The following PAX3 variants were observed in gnomAD, a reference collection of about 807,000 sequenced individuals.
The protein encoded by PAX3 is paired box 3, also known as paired box protein Pax-3.
A neutral mutation model predicts 51.6 loss-of-function variants in PAX3; 14 were observed. The observed-to-expected ratio is 0.27, with a 90% CI of 0.18 to 0.42. The LOEUF is 0.42. Ranked by LOEUF, PAX3 falls within the 10% of genes least tolerant of loss-of-function variation. PAX3 has a pLI of 1.00. For missense variants in PAX3, 540 were observed against 642.8 expected (o/e 0.84, Z 1.73); for synonymous variants, 280 against 253.4 (o/e 1.11, Z -1.00).
chr2:222,239,905 T>C (rs1055823499), intron 4 of PAX3, among the ~76,000 whole-genome samples: 2 of 152,028 alleles, frequency 1.3e-5, no homozygotes, highest in African/African-American at 4.8e-5. Flanking sequence ...TAAATCTAAT[T>C]AAGACCCTCC....
At chr2:222,268,608 A>T (rs1694140260) in intron 4 of PAX3, among the ~76,000 whole-genome samples, 1 of 152,176 alleles carries the variant, frequency 6.6e-6, no homozygotes, top group African/African-American at 2.4e-5. Context: ...CTCACTCTGA[A>T]TCTCCTCGTT....
chr2:222,261,403 A>G (rs1693856221), intron 4 of PAX3, among the ~76,000 whole-genome samples: 1 of 152,214 alleles, frequency 6.6e-6, no homozygotes, highest in African/African-American at 2.4e-5. Context: ...CTAGGAAAAA[A>G]AATCTAAATA....
At chr2:222,276,822 T>A (rs1368294047) in intron 4 of PAX3, among the ~76,000 whole-genome samples, 1 of 152,086 alleles carries the variant, frequency 6.6e-6, no homozygotes, top group Non-Finnish European at 1.5e-5. Flanking sequence ...TTGTGAGGAG[T>A]CGGTCCAAGA....
chr2:222,276,534 T>C (rs776779362), intron 4 of PAX3, among the ~76,000 whole-genome samples: 21 of 152,198 alleles, frequency 1.4e-4, no homozygotes, highest in Non-Finnish European at 2.2e-4. Flanking sequence ...ACAAGTCTGC[T>C]GAGAGGTGGA....
At chr2:222,293,980 A>G (rs1695147471) in intron 4 of PAX3, 187 bp downstream of exon 4, 2 of 1,526,148 alleles carry the variant, frequency 1.3e-6, no homozygotes, top group African/African-American at 2.8e-5. Flanking sequence ...CAGAATAGAA[A>G]TGTTTGTTTT....
intron 5 of PAX3, among the ~76,000 whole-genome samples, chr2:222,227,942 GA>G (rs1004265724): frequency 1.3e-5 from 2 of 151,740 alleles, no homozygotes; most frequent in African/African-American, 4.8e-5. Flanking sequence ...TTCCTCAGGA[GA>G]AAAAAAATGA....
chr2:222,206,751 T>G (rs1313940335), intron 7 of PAX3, among the ~76,000 whole-genome samples: 1 of 152,178 alleles, frequency 6.6e-6, no homozygotes, highest in Non-Finnish European at 1.5e-5. Flanking sequence ...TGGGCCAAAT[T>G]AAGATTTACC....
intron 4 of PAX3, among the ~76,000 whole-genome samples, chr2:222,243,408 C>T: frequency 6.6e-6 from 1 of 152,196 alleles, no homozygotes; most frequent in Non-Finnish European, 1.5e-5. Flanking sequence ...TGAGATGTGG[C>T]TGATACTGTC....
At chr2:222,268,595 T>C (rs1694139494) in intron 4 of PAX3, among the ~76,000 whole-genome samples, 1 of 152,184 alleles carries the variant, frequency 6.6e-6, no homozygotes, top group Admixed American at 6.5e-5. Flanking sequence ...CTGAGTTTCC[T>C]ACCTCACTCT....
At chr2:222,232,566 C>T (rs1192123999) in intron 4 of PAX3, among the ~76,000 whole-genome samples, 3 of 152,126 alleles carry the variant, frequency 2.0e-5, no homozygotes, top group East Asian at 3.9e-4. Context: ...TATCTTTCTG[C>T]CCCCTAGGCA....
At chr2:222,281,498 C>T (rs1158470432) in intron 4 of PAX3, among the ~76,000 whole-genome samples, 2 of 152,248 alleles carry the variant, frequency 1.3e-5, no homozygotes, top group African/African-American at 4.8e-5. Flanking sequence ...CCTGCCACTT[C>T]CCTTCACCTG....
In PAX3 at chr2:222,298,599, C is replaced by T. The variant is rs909763037; in HGVS notation, c.17G>A (p.Gly6Asp). Residue 6 changes from glycine (G) to aspartate (D), a missense_variant, in exon 1 of 9, where the codon GGC becomes GAC. Gly to Asp is a moderately conservative substitution (Grantham distance 94). Around this residue, in one of 3 missense-constraint regions of PAX3, gnomAD observed 63 missense variants for 49.9 expected, o/e 1.26. Transcript: ENST00000392070. MTTLA[G>D]AVPRMMRPGP... is the part of the protein sequence containing the mutation. The stretch of plus-strand genomic sequence containing the variant: ...CGGCCGCATCATCCTGGGCACAGCG[C>T]CGGCCAGCGTGGTCATCCTGGGGGC... The T allele has an allele frequency of 1.9e-6, 3 of 1,607,080 alleles. No individual in the cohort carries two copies. The highest frequency in any genetic ancestry group is 1.7e-4 in the Middle Eastern group (1 of 6,056).
At chr2:222,225,147 C>G (rs1479606717) in intron 5 of PAX3, among the ~76,000 whole-genome samples, 1 of 152,170 alleles carries the variant, frequency 6.6e-6, no homozygotes, top group Non-Finnish European at 1.5e-5. Flanking sequence ...AGTTAATTGT[C>G]TATCATTGCA....
At chr2:222,294,704 C>T (rs1337013298) in intron 3 of PAX3, among the ~76,000 whole-genome samples, 1 of 149,798 alleles carries the variant, frequency 6.7e-6, no homozygotes, top group Non-Finnish European at 1.5e-5. Context: ...CACCTGAATG[C>T]ATGGATCCTG....
intron 4 of PAX3, among the ~76,000 whole-genome samples, chr2:222,240,426 G>A (rs961809877): frequency 2.0e-5 from 3 of 152,106 alleles, no homozygotes; most frequent in African/African-American, 7.2e-5. Context: ...ACTTTCTCTG[G>A]ATGGAGTTCT....
intron 7 of PAX3, among the ~76,000 whole-genome samples, chr2:222,217,039 A>G (rs1691989869): frequency 2.0e-5 from 3 of 152,318 alleles, no homozygotes; most frequent in Admixed American, 1.3e-4. Context: ...AAAGACAGAG[A>G]AAAGGCAAGA....
intron 2 of PAX3, 41 bp downstream of exon 2, chr2:222,296,937 C>T (rs1314909435): frequency 6.5e-7 from 1 of 1,527,358 alleles, no homozygotes; most frequent in East Asian, 2.3e-5. Flanking sequence ...ACACAGGGGA[C>T]CACAGTCTGG....
chr2:222,293,649 T>G (rs757027594), intron 4 of PAX3: 1 of 1,613,982 alleles, frequency 6.2e-7, no homozygotes, highest in Non-Finnish European at 8.5e-7. Context: ...CACACAGACA[T>G]ATTTATAAGG....
rs534960506 is a variant in PAX3 at position 222,235,490 on chromosome 2, CA to C, written c.587-3208del. Among the ~76,000 whole-genome samples, 82 of 152,306 alleles carry C rather than the reference CA, an allele frequency of 5.4e-4. 1 individual carries two copies. Among genetic ancestry groups the C allele is most frequent in the African/African-American group, 1.8e-3 (75 of 41,578 alleles). ...GCTTTGGAAGTCTGTGAGGCCTGAA[CA>C]ATCATGTTGAATGTTTAGCAGGTAT... On this transcript the variant is annotated intron_variant, in intron 4 of 8. Transcript: ENST00000392070.
Sources: gnomAD v4.1 joint callset for allele counts (sites outside exome capture counted in the v4.1 genomes callset) on GRCh38, gnomAD v4.1.1 for gene constraint, gnomAD v4.1.1 regional missense constraint, MANE v1.5 for transcripts, NCBI Gene and HGNC (gene_info 2026-07-23, HGNC 2026-07-21) for gene names.